ASB18: variants seen among roughly 807,000 people sequenced by gnomAD.
ASB18 encodes ankyrin repeat and SOCS box containing 18.
ASB18 carries 33 observed loss-of-function variants against 33.4 expected under a neutral mutation model. That is an observed-to-expected ratio of 0.99 (90% CI 0.75 to 1.32). ASB18 has a LOEUF of 1.32. Among genes scored for constraint, ASB18 ranks in the 40% most tolerant of loss-of-function variants. The pLI, the probability that ASB18 is intolerant of heterozygous loss-of-function variation, is 0.00. For synonymous variants in ASB18, 295 were observed against 307.6 expected (o/e 0.96, Z 0.43); for missense variants, 694 against 655.5 (o/e 1.06, Z -0.64).
In ASB18 at chr2:236,238,660, A is replaced by T. The variant is rs2060607920; in HGVS notation, c.329-704T>A. ...TTGCTCTTTCTTGAGGGATGAATGG[A>T]GCAGGTGCTATACATTTTTACTTCT... On this transcript the variant is annotated intron_variant, in intron 2 of 5. Coordinates refer to ENST00000409749, the MANE Select transcript of ASB18 (RefSeq NM_212556.4). The surrounding 1 kb of genome is among the most constrained non-coding windows in gnomAD (Gnocchi z 5.2). Among the ~76,000 whole-genome samples, 1 of 150,856 alleles carries T rather than the reference A, an allele frequency of 6.6e-6. No individual in the cohort carries two copies. The highest frequency in any genetic ancestry group is 1.5e-5 in the Non-Finnish European group (1 of 67,950).
rs59055936 is a variant in ASB18, at chr2:236,255,637, A to T, written c.205+8504T>A. On this transcript the variant is annotated intron_variant, in intron 1 of 5. Coordinates refer to ENST00000409749, the MANE Select transcript of ASB18 (RefSeq NM_212556.4). This position sits in a 1 kb window ranked among gnomAD's most constrained non-coding sequence, Gnocchi z 4.4. Reference sequence around the variant, plus strand: ...TCTCCTCTATCTTCTGCTTTACCTAAGTAAAAGAGTCAGGTGTTTTCTTTC... The same window carrying T: ...TCTCCTCTATCTTCTGCTTTACCTATGTAAAAGAGTCAGGTGTTTTCTTTC... 6.6e-6 allele frequency among the ~76,000 whole-genome samples: 1 copy of T among 152,220 alleles called. No homozygotes were observed. The highest frequency in any genetic ancestry group is 1.5e-5 in the Non-Finnish European group (1 of 68,044).
At position 236,249,575 on chromosome 2, in the gene ASB18, C is replaced by G. The variant is rs1262061284; in HGVS notation, c.206-8173G>C. ...TGTTGGTCAAGGAAATGCTTCTGAA[C>G]AAATACAATGCCCTTCTTGAAAGAG... On this transcript the variant is annotated intron_variant, in intron 1 of 5. Coordinates refer to ENST00000409749, the MANE Select transcript of ASB18 (RefSeq NM_212556.4). The surrounding 1 kb of genome is among the most constrained non-coding windows in gnomAD (Gnocchi z 4.6). 6.6e-6 allele frequency: 1 copy of G among 152,132 alleles called. No homozygotes were observed. The highest frequency in any genetic ancestry group is 1.5e-5 in the Non-Finnish European group (1 of 68,030). The allele number at this position is 152,132 out of a possible 1,614,324, so 9.4% of individuals were successfully genotyped here.
rs12475284 is a variant in ASB18 at position 236,209,943 on chromosome 2, A to C, written c.1101+4419T>G. Among the ~76,000 whole-genome samples, 26,380 of 152,138 alleles carry C rather than the reference A, an allele frequency of 0.17. 2,309 individuals carry two copies. The highest frequency in any genetic ancestry group is 0.25 in the South Asian group (1,201 of 4,816). On this transcript the variant is annotated intron_variant, in intron 4 of 5. Transcript: ENST00000409749. This position sits in a 1 kb window ranked among gnomAD's most constrained non-coding sequence, Gnocchi z 4.4. ...TAGAATGTTTGTCCCCCGCTTCACAAAGATAAGCCTTCAGCCTTCAGATCT... is the reference window on the plus strand; with the variant it reads ...TAGAATGTTTGTCCCCCGCTTCACACAGATAAGCCTTCAGCCTTCAGATCT...
Position 236,252,165 on chromosome 2 carries a change from G to A in ASB18, c.206-10763C>T, listed in dbSNP as rs2060671425. Among the ~76,000 whole-genome samples, 1 of 152,078 alleles carries A rather than the reference G, an allele frequency of 6.6e-6. No individual in the cohort carries two copies. Among genetic ancestry groups the A allele is most frequent in the South Asian group, 2.1e-4 (1 of 4,824 alleles). On this transcript the variant is annotated intron_variant, in intron 1 of 5. Coordinates refer to ENST00000409749, the MANE Select transcript of ASB18 (RefSeq NM_212556.4). The surrounding 1 kb of genome is among the most constrained non-coding windows in gnomAD (Gnocchi z 7.9). ...GTGCGGCTGCAGTCCCAGCTATTCA[G>A]GAGGCTGAGACAGGAGAATTGCTTG...
rs1229561676 is a variant in ASB18 at position 236,216,875 on chromosome 2, C to T, written c.597-2009G>A. On this transcript the variant is annotated intron_variant, in intron 3 of 5. Transcript: ENST00000409749. This position sits in a 1 kb window ranked among gnomAD's most constrained non-coding sequence, Gnocchi z 6.1. Reference sequence around the variant, plus strand: ...CCGGGTTCACCTCCTGAGGCGCCGCCTCTCCATGCTTCAATTCTGCCTGAC... The same window carrying T: ...CCGGGTTCACCTCCTGAGGCGCCGCTTCTCCATGCTTCAATTCTGCCTGAC... Among the ~76,000 whole-genome samples, 2 of 152,158 alleles carry T rather than the reference C, an allele frequency of 1.3e-5. No individual in the cohort carries two copies. Among genetic ancestry groups the T allele is most frequent in the African/African-American group, 4.8e-5 (2 of 41,438 alleles).
rs751998544 is a variant in ASB18 at position 236,251,337 on chromosome 2, C to T, written c.206-9935G>A. Among the ~76,000 whole-genome samples the T allele has an allele frequency of 6.6e-6, 1 of 152,140 alleles. No individual in the cohort carries two copies. The highest frequency in any genetic ancestry group is 2.4e-5 in the African/African-American group (1 of 41,428). On this transcript the variant is annotated intron_variant, in intron 1 of 5. Coordinates refer to ENST00000409749, the MANE Select transcript of ASB18 (RefSeq NM_212556.4). This position sits in a 1 kb window ranked among gnomAD's most constrained non-coding sequence, Gnocchi z 5.3. ...AGACTCTGGGGACGTTGCTGGAAAG[C>T]GTATCATTGAAGCTCTCCCTGATAA...
At position 236,215,714 on chromosome 2, in the gene ASB18, A is replaced by G. The variant is rs1410982857; in HGVS notation, c.597-848T>C. Among the ~76,000 whole-genome samples the G allele has an allele frequency of 6.6e-6, 1 of 152,052 alleles. No individual in the cohort carries two copies. Among genetic ancestry groups the G allele is most frequent in the Non-Finnish European group, 1.5e-5 (1 of 68,014 alleles). ...TGGTGAGAAGTGTGCCCCAGCCTGGAAGCCGGAAGACAGTCATACAGACCC... is the reference window on the plus strand; with the variant it reads ...TGGTGAGAAGTGTGCCCCAGCCTGGGAGCCGGAAGACAGTCATACAGACCC... On this transcript the variant is annotated intron_variant, in intron 3 of 5. Transcript: ENST00000409749. This position sits in a 1 kb window ranked among gnomAD's most constrained non-coding sequence, Gnocchi z 7.2.
Position 236,213,316 on chromosome 2 carries a change from G to C in ASB18, c.1101+1046C>G, listed in dbSNP as rs1468787931. The stretch of plus-strand genomic sequence containing the variant: ...TTCAGAGGCACAGTCTACTCTGAAC[G>C]CATCTATAATGGAAAGTTAGCATTT... On this transcript the variant is annotated intron_variant, in intron 4 of 5. Transcript: ENST00000409749. The surrounding 1 kb of genome is among the most constrained non-coding windows in gnomAD (Gnocchi z 4.8). Among the ~76,000 whole-genome samples the C allele has an allele frequency of 6.6e-6, 1 of 152,028 alleles. No homozygotes were observed. The highest frequency in any genetic ancestry group is 2.1e-4 in the South Asian group (1 of 4,800).
rs2060445908 is a variant in ASB18 at position 236,208,830 on chromosome 2, CG to C, written c.1101+5531del. On this transcript the variant is annotated intron_variant, in intron 4 of 5. Coordinates refer to ENST00000409749, the MANE Select transcript of ASB18 (RefSeq NM_212556.4). The surrounding 1 kb of genome is among the most constrained non-coding windows in gnomAD (Gnocchi z 7.7). Reference sequence around the variant, plus strand: ...ATCTCCGCGGCCTCCTTGCTGTCTGCGGAGAGGCGGCTGCCACATTACTCTG... The same window carrying C: ...ATCTCCGCGGCCTCCTTGCTGTCTGCGAGAGGCGGCTGCCACATTACTCTG... Among the ~76,000 whole-genome samples, 1 of 152,184 alleles carries C rather than the reference CG, an allele frequency of 6.6e-6. No homozygotes were observed. Among genetic ancestry groups the C allele is most frequent in the Non-Finnish European group, 1.5e-5 (1 of 68,048 alleles).
chr2:236,254,529 A>G (rs1295264913), intron 1 of ASB18, among the ~76,000 whole-genome samples: 1 of 151,652 alleles, frequency 6.6e-6, no homozygotes, highest in African/African-American at 2.4e-5. Context: ...TATTTCTTTA[A>G]TCATATTTTT....
At chr2:236,197,737 G>A (rs772595857) in intron 4 of ASB18, among the ~76,000 whole-genome samples, 2 of 151,924 alleles carry the variant, frequency 1.3e-5, no homozygotes, top group Admixed American at 6.6e-5. Context: ...CAGGAGATTC[G>A]CTTGAACCTG....
chr2:236,201,354 AT>A (rs1301559114), intron 4 of ASB18, among the ~76,000 whole-genome samples: 3 of 152,006 alleles, frequency 2.0e-5, no homozygotes, highest in Non-Finnish European at 4.4e-5. Context: ...AGGTCTCACT[AT>A]GCTGCCCAGG....
Position 236,237,593 on chromosome 2 carries a change from A to T in ASB18, c.596+96T>A. 1 of 1,032,490 alleles carries T rather than the reference A, an allele frequency of 9.7e-7. No homozygotes were observed. The highest frequency in any genetic ancestry group is 1.3e-6 in the Non-Finnish European group (1 of 794,638). The allele number at this position is 1,032,490 out of a possible 1,614,324, so 64.0% of individuals were successfully genotyped here. A position where few individuals can be genotyped will look rare whatever the true frequency, so the allele number is the denominator to read the frequency against. The stretch of plus-strand genomic sequence containing the variant: ...TCTGGGTCCGGAGGCGGGGGCTGGG[A>T]CGGAGGCGGAGGCGGGGTCGGCGGT... On this transcript the variant is annotated intron_variant, in intron 3 of 5. Transcript: ENST00000409749. This position sits in a 1 kb window ranked among gnomAD's most constrained non-coding sequence, Gnocchi z 6.2.
rs1383481722 is a variant in ASB18 at position 236,196,135 on chromosome 2, A to C, written c.1215+137T>G. The C allele has an allele frequency of 2.8e-6, 2 of 703,264 alleles. No homozygotes were observed. The highest frequency in any genetic ancestry group is 3.5e-5 in the African/African-American group (2 of 56,680). 43.6% of individuals were successfully genotyped at this position (703,264 alleles called of 1,614,324 possible). A position where few individuals can be genotyped will look rare whatever the true frequency, so the allele number is the denominator to read the frequency against. On this transcript the variant is annotated intron_variant, in intron 5 of 5. Coordinates refer to ENST00000409749, the MANE Select transcript of ASB18 (RefSeq NM_212556.4). This position sits in a 1 kb window ranked among gnomAD's most constrained non-coding sequence, Gnocchi z 5.6. The stretch of plus-strand genomic sequence containing the variant: ...TCCAGAAAAAACCAGAAACGTGCAA[A>C]TACACCCTCATTTCCCATTCTTCCT...
In ASB18 at chr2:236,214,702, G is replaced by GTCTCTCC. The variant is rs1369934225; in HGVS notation, c.754_760dup (p.Thr254ArgfsTer150). 8.7e-7 allele frequency: 1 copy of GTCTCTCC among 1,150,080 alleles called. No individual in the cohort carries two copies. The highest frequency in any genetic ancestry group is 4.4e-5 in the East Asian group (1 of 22,932). 71.2% of individuals were successfully genotyped at this position (1,150,080 alleles called of 1,614,324 possible). On this transcript the variant is annotated frameshift_variant, in exon 4 of 6. Coordinates refer to ENST00000409749, the MANE Select transcript of ASB18 (RefSeq NM_212556.4). LOFTEE classifies it high-confidence loss of function. The surrounding 1 kb of genome is among the most constrained non-coding windows in gnomAD (Gnocchi z 6.5). The stretch of plus-strand genomic sequence containing the variant: ...CGCACCGCAGGCCGCGCTCAGAGCC[G>GTCTCTCC]TCTCTCCGCGGCCGTTCCTCGCGTC...
rs560508879 is a variant in ASB18, at chr2:236,213,440, G to A, written c.1101+922C>T. Among the ~76,000 whole-genome samples, 80 of 152,014 alleles carry A rather than the reference G, an allele frequency of 5.3e-4. No individual in the cohort carries two copies. The highest frequency in any genetic ancestry group is 9.0e-4 in the Non-Finnish European group (61 of 67,998). ...TCAGCTATTTGTTCAAAACTAATCA[G>A]GCCAAAATATGTCTTATGTCTATGA... On this transcript the variant is annotated intron_variant, in intron 4 of 5. Coordinates refer to ENST00000409749, the MANE Select transcript of ASB18 (RefSeq NM_212556.4). This position sits in a 1 kb window ranked among gnomAD's most constrained non-coding sequence, Gnocchi z 4.8.
In ASB18 at chr2:236,211,353, G is replaced by A. The variant is rs1338336700; in HGVS notation, c.1101+3009C>T. Reference sequence around the variant, plus strand: ...TGTCAACACGTGGGCTTCCGAAGCCGTGACACTACTTTGATTCTCACTGCA... The same window carrying A: ...TGTCAACACGTGGGCTTCCGAAGCCATGACACTACTTTGATTCTCACTGCA... On this transcript the variant is annotated intron_variant, in intron 4 of 5. Transcript: ENST00000409749. The surrounding 1 kb of genome is among the most constrained non-coding windows in gnomAD (Gnocchi z 5.0). Among the ~76,000 whole-genome samples, 4 of 152,358 alleles carry A rather than the reference G, an allele frequency of 2.6e-5. No homozygotes were observed. The East Asian group carries it at 7.7e-4, about 29-fold the overall frequency.
rs549377087 is a variant in ASB18 at position 236,222,276 on chromosome 2, A to C, written c.597-7410T>G. On this transcript the variant is annotated intron_variant, in intron 3 of 5. Transcript: ENST00000409749. This position sits in a 1 kb window ranked among gnomAD's most constrained non-coding sequence, Gnocchi z 5.5. ...ATGAGACTATCAGACATAAATGTTT[A>C]CAATTGAAATGGCTGATGTGAATAG... Among the ~76,000 whole-genome samples the C allele has an allele frequency of 1.4e-4, 21 of 152,306 alleles. No homozygotes were observed. In the East Asian group the frequency reaches 2.7e-3, roughly 20 times the overall value.
At chr2:236,242,857 C>CA (rs58767505) in intron 1 of ASB18, among the ~76,000 whole-genome samples, 44,005 of 127,990 alleles carry the variant, frequency 0.34, 7,498 homozygotes, top group African/African-American at 0.51. Flanking sequence ...CCCATCTCTA[C>CA]AAAAAAAAAA....
Sources: gnomAD v4.1 joint callset for allele counts (sites outside exome capture counted in the v4.1 genomes callset) on GRCh38, gnomAD v4.1.1 for gene constraint, Gnocchi (gnomAD v3.1) non-coding constraint, MANE v1.5 for transcripts, NCBI Gene and HGNC (gene_info 2026-07-23, HGNC 2026-07-21) for gene names.